C12orf54: variants seen among roughly 807,000 people sequenced by gnomAD.
C12orf54 encodes chromosome 12 open reading frame 54, also known as uncharacterized protein C12orf54.
In C12orf54, 24 loss-of-function variants were observed where a neutral mutation model predicts 26.4. The ratio of observed to expected loss-of-function variants is 0.91; its 90% CI spans 0.66 to 1.28. The LOEUF is 1.28. Ranked by LOEUF, C12orf54 falls within the 50% of genes most tolerant of loss-of-function variation. The pLI, the probability that C12orf54 is intolerant of heterozygous loss-of-function variation, is 0.00. For missense variants in C12orf54, 154 were observed against 150.9 expected (o/e 1.02, Z -0.11); for synonymous variants, 54 against 47.0 (o/e 1.15, Z -0.61).
At chr12:48,492,345 A>G (rs1242417540) in intron 6 of C12orf54, among the ~76,000 whole-genome samples, 1 of 152,156 alleles carries the variant, frequency 6.6e-6, no homozygotes, top group Admixed American at 6.5e-5. Context: ...CTTGTGAGAT[A>G]CTTTCCTTGG....
the C12orf54 span, among the ~76,000 whole-genome samples, chr12:48,446,403 T>C: frequency 6.6e-6 from 1 of 152,208 alleles, no homozygotes; most frequent in African/African-American, 2.4e-5. Flanking sequence ...ATACTTCCCC[T>C]GGCATAATTA....
At chr12:48,487,267 TTAGA>T (rs375431255) in intron 4 of C12orf54, among the ~76,000 whole-genome samples, 44 of 152,278 alleles carry the variant, frequency 2.9e-4, no homozygotes, top group African/African-American at 9.4e-4. Flanking sequence ...TTGTAAAACC[TTAGA>T]TAGAGATGAG....
At chr12:48,480,943 T>C (rs938078215), upstream of C12orf54, among the ~76,000 whole-genome samples, 4 of 152,014 alleles carry the variant, frequency 2.6e-5, no homozygotes, top group African/African-American at 9.7e-5. Context: ...GAGGTCATTA[T>C]CCCAGGCAAG....
At chr12:48,448,217 C>T in the C12orf54 span, among the ~76,000 whole-genome samples, 1 of 152,138 alleles carries the variant, frequency 6.6e-6, no homozygotes, top group African/African-American at 2.4e-5. Flanking sequence ...GAGCCATGAG[C>T]TAATCAATAT....
chr12:48,486,850 C>A (rs1002462580), intron 4 of C12orf54, 124 bp downstream of exon 4: 34 of 913,180 alleles, frequency 3.7e-5, no homozygotes, highest in Middle Eastern at 2.6e-4. Flanking sequence ...GAAGGATCAA[C>A]ACGCTCCCTC....
the C12orf54 span, among the ~76,000 whole-genome samples, chr12:48,449,985 G>A: frequency 2.4e-4 from 37 of 152,054 alleles, no homozygotes; most frequent in East Asian, 7.7e-4. Flanking sequence ...TTCTCTTGCC[G>A]CTGTCATGTA....
intron 6 of C12orf54, 77 bp from the exon 7 acceptor site, chr12:48,492,870 A>T: frequency 7.6e-7 from 1 of 1,315,302 alleles, no homozygotes; most frequent in Non-Finnish European, 1.1e-6. Flanking sequence ...ACTTCAAATC[A>T]AGGATGTGAG....
At chr12:48,436,136 C>G in the C12orf54 span, among the ~76,000 whole-genome samples, 1 of 152,096 alleles carries the variant, frequency 6.6e-6, no homozygotes, top group African/African-American at 2.4e-5. Context: ...AGACTTTAAA[C>G]CAACAAAGAT....
chr12:48,475,266 A>C, the C12orf54 span, among the ~76,000 whole-genome samples: 10 of 152,002 alleles, frequency 6.6e-5, no homozygotes, highest in African/African-American at 2.4e-4. Flanking sequence ...TCATCAAAGA[A>C]CAAAGGTAGA....
chr12:48,416,465 A>C, the C12orf54 span, among the ~76,000 whole-genome samples: 1 of 146,118 alleles, frequency 6.8e-6, no homozygotes, highest in African/African-American at 2.8e-5. Context: ...TTCTTTGGTC[A>C]GTCAATATTG....
the C12orf54 span, among the ~76,000 whole-genome samples, chr12:48,453,550 C>T: frequency 5.8e-5 from 8 of 138,974 alleles, no homozygotes; most frequent in South Asian, 7.4e-4. Context: ...CATATATATA[C>T]ACATATATAT....
In C12orf54 at chr12:48,494,848, A is replaced by C; in HGVS notation, c.293A>C (p.Gln98Pro). 3 of 1,613,768 alleles carry C rather than the reference A, an allele frequency of 1.9e-6. No homozygotes were observed. The highest frequency in any genetic ancestry group is 2.5e-6 in the Non-Finnish European group (3 of 1,179,636). ...ATGACCCCAAAGTTGAGAAGATTGC[A>C]GTTCAGCTCTGGAGAGCAGCCATCA... ...SLMTPKLRRL[Q>P]FSSGEQPSGG... Residue 98 changes from glutamine (Q) to proline (P), a missense_variant, in exon 8 of 9, where the codon CAG becomes CCG. Coordinates refer to ENST00000548364, the MANE Select transcript of C12orf54 (RefSeq NM_152319.4).
chr12:48,444,194 G>T, the C12orf54 span, among the ~76,000 whole-genome samples: 1 of 152,182 alleles, frequency 6.6e-6, no homozygotes, highest in Non-Finnish European at 1.5e-5. Context: ...CTGTCATGTG[G>T]GGAATGCATT....
chr12:48,477,959 G>C (rs1283236114), upstream of C12orf54, among the ~76,000 whole-genome samples: 1 of 152,102 alleles, frequency 6.6e-6, no homozygotes, highest in Non-Finnish European at 1.5e-5. Flanking sequence ...GAGAAATTTA[G>C]ACCAATATCC....
At chr12:48,456,215 G>T in the C12orf54 span, among the ~76,000 whole-genome samples, 1 of 152,188 alleles carries the variant, frequency 6.6e-6, no homozygotes, top group Non-Finnish European at 1.5e-5. Context: ...ATATAAAGAC[G>T]AGTAGGAGAG....
the C12orf54 span, chr12:48,472,899 G>C: frequency 3.1e-6 from 5 of 1,614,054 alleles, no homozygotes; most frequent in Non-Finnish European, 3.4e-6. Flanking sequence ...AGCCTCAGTG[G>C]GCCTAGAAGT....
At chr12:48,443,802 G>T in the C12orf54 span, among the ~76,000 whole-genome samples, 83 of 152,288 alleles carry the variant, frequency 5.5e-4, no homozygotes, top group Non-Finnish European at 1.0e-3. Flanking sequence ...GAACCCTTCA[G>T]CTCTACTGAC....
At chr12:48,436,478 A>G in the C12orf54 span, among the ~76,000 whole-genome samples, 4 of 152,230 alleles carry the variant, frequency 2.6e-5, no homozygotes, top group African/African-American at 9.6e-5. Flanking sequence ...ACCACACCAC[A>G]CCTATTCCAA....
chr12:48,494,888 C>A lies in C12orf54; in HGVS notation c.333C>A (p.His111Gln). 6.2e-7 allele frequency: 1 copy of A among 1,613,154 alleles called. No individual in the cohort carries two copies. The highest frequency in any genetic ancestry group is 8.5e-7 in the Non-Finnish European group (1 of 1,179,034). ...SGEQPSGGRIHNLKTQLFSQS... is the reference protein window; with the variant it reads ...SGEQPSGGRIQNLKTQLFSQS... ...AGCAGCCATCAGGAGGCCGTATCCA[C>A]AACCTGAAGACACAGCTCTTCAGTC... Residue 111 changes from histidine to glutamine, a missense_variant, in exon 8 of 9, where the codon CAC becomes CAA. Coordinates refer to ENST00000548364, the MANE Select transcript of C12orf54 (RefSeq NM_152319.4).
Sources: gnomAD v4.1 joint callset for allele counts (sites outside exome capture counted in the v4.1 genomes callset) on GRCh38, gnomAD v4.1.1 for gene constraint, MANE v1.5 for transcripts, NCBI Gene and HGNC (gene_info 2026-07-23, HGNC 2026-07-21) for gene names.